SSBP2: variants seen among roughly 807,000 people sequenced by gnomAD.
The protein encoded by SSBP2 is single stranded DNA binding protein 2.
SSBP2 carries 17 observed loss-of-function variants against 61.8 expected under a neutral mutation model. That is an observed-to-expected ratio of 0.28 (90% CI 0.19 to 0.41). SSBP2 has a LOEUF of 0.41. SSBP2 is among the 10% of genes least tolerant of loss of function. SSBP2 has a pLI of 1.00. For synonymous variants in SSBP2, 139 were observed against 141.3 expected (o/e 0.98, Z 0.12); for missense variants, 310 against 458.7 (o/e 0.68, Z 2.96).
chr5:81,496,174 G>C (rs1325175213), intron 5 of SSBP2, among the ~76,000 whole-genome samples: 1 of 152,010 alleles, frequency 6.6e-6, no homozygotes, highest in Non-Finnish European at 1.5e-5. Context: ...TGAAAACCTA[G>C]AAGTTTTAAA....
At chr5:81,501,254 T>C (rs1767715047) in intron 5 of SSBP2, among the ~76,000 whole-genome samples, 1 of 55,526 alleles carries the variant, frequency 1.8e-5, no homozygotes, top group African/African-American at 1.4e-4. Context: ...TATATATATA[T>C]ATATATATAT....
intron 4 of SSBP2, among the ~76,000 whole-genome samples, chr5:81,558,802 A>C (rs1241101943): frequency 6.6e-6 from 1 of 152,248 alleles, no homozygotes; most frequent in African/African-American, 2.4e-5. Context: ...TAATTGTCAA[A>C]GCAAAAATAT....
intron 2 of SSBP2, among the ~76,000 whole-genome samples, chr5:81,636,933 T>C (rs1748294774): frequency 1.3e-5 from 2 of 152,202 alleles, no homozygotes; most frequent in South Asian, 2.1e-4. Context: ...TACACTACCT[T>C]TGTCCTTCAT....
chr5:81,556,123 G>T (rs1772576247), intron 4 of SSBP2, among the ~76,000 whole-genome samples: 2 of 152,042 alleles, frequency 1.3e-5, no homozygotes, highest in Non-Finnish European at 2.9e-5. Flanking sequence ...CTTATAAAGA[G>T]ATATTGCATA....
intron 1 of SSBP2, among the ~76,000 whole-genome samples, chr5:81,655,421 T>C (rs1750127651): frequency 6.6e-6 from 1 of 152,096 alleles, no homozygotes; most frequent in Admixed American, 6.5e-5. Flanking sequence ...CAGTCGTTTT[T>C]AAAAAACATT....
intron 4 of SSBP2, among the ~76,000 whole-genome samples, chr5:81,577,395 A>G (rs922509185): frequency 3.3e-5 from 5 of 152,004 alleles, no homozygotes; most frequent in Non-Finnish European, 7.4e-5. Flanking sequence ...GCTCTTGGTG[A>G]GGGAAATGGA....
intron 6 of SSBP2, among the ~76,000 whole-genome samples, chr5:81,486,802 T>C (rs1766419248): frequency 6.6e-6 from 1 of 152,314 alleles, no homozygotes; most frequent in South Asian, 2.1e-4. Flanking sequence ...AGATTTGGTC[T>C]ATAGGAGAAA....
rs1461165101 is a variant in SSBP2, at chr5:81,415,942, A to G, written c.*4562T>C. 1 of 142,854 alleles carries G rather than the reference A, an allele frequency of 7.0e-6. No individual in the cohort carries two copies. Among genetic ancestry groups the G allele is most frequent in the Non-Finnish European group, 1.5e-5 (1 of 66,034 alleles). 8.8% of individuals were successfully genotyped at this position (142,854 alleles called of 1,614,324 possible). Reference sequence around the variant, plus strand: ...AAAAAAAAAAAAAGAGGAAAACCTGATCAAGCATAGTGGCTCATGCCTGTA... The same window carrying G: ...AAAAAAAAAAAAAGAGGAAAACCTGGTCAAGCATAGTGGCTCATGCCTGTA... On this transcript the variant is annotated 3_prime_UTR_variant, in exon 17 of 17. Transcript: ENST00000320672.
At chr5:81,664,328 C>T (rs539338237) in intron 1 of SSBP2, among the ~76,000 whole-genome samples, 1 of 151,846 alleles carries the variant, frequency 6.6e-6, no homozygotes, top group South Asian at 2.1e-4. Flanking sequence ...TGGGGTTTCA[C>T]CATGTTGGCC....
At chr5:81,461,870 AG>A (rs1764568495) in intron 9 of SSBP2, among the ~76,000 whole-genome samples, 1 of 152,210 alleles carries the variant, frequency 6.6e-6, no homozygotes, top group African/African-American at 2.4e-5. Flanking sequence ...TAAATCAAAA[AG>A]GTCTCTTGTC....
Position 81,620,421 on chromosome 5 carries a change from A to G in SSBP2, c.198-4864T>C, listed in dbSNP as rs1746462148. ...AGGGATGTGAAGGACCTCTTCAAGG[A>G]GAACCACAAACCACTGGTCAAGGAA... On this transcript the variant is annotated intron_variant, in intron 3 of 16. Transcript: ENST00000320672. Among the ~76,000 whole-genome samples the G allele has an allele frequency of 2.0e-5, 3 of 151,868 alleles. No individual in the cohort carries two copies. The South Asian group carries it at 6.3e-4, about 32-fold the overall frequency.
intron 1 of SSBP2, among the ~76,000 whole-genome samples, chr5:81,741,907 G>A (rs1757050107): frequency 6.6e-6 from 1 of 152,102 alleles, no homozygotes; most frequent in Non-Finnish European, 1.5e-5. Context: ...ATGATTCTCT[G>A]TTGAATCAAA....
chr5:81,664,876 T>C (rs571859654), intron 1 of SSBP2, among the ~76,000 whole-genome samples: 3 of 152,306 alleles, frequency 2.0e-5, no homozygotes, highest in East Asian at 1.9e-4. Flanking sequence ...CAGATAGTTG[T>C]AGCAGTCTTA....
intron 16 of SSBP2, among the ~76,000 whole-genome samples, chr5:81,423,083 A>G (rs946850952): frequency 7.9e-5 from 12 of 152,246 alleles, no homozygotes; most frequent in Admixed American, 5.9e-4. Context: ...ACTAGAGTAG[A>G]AAAAATCAGA....
intron 4 of SSBP2, among the ~76,000 whole-genome samples, chr5:81,549,837 G>C (rs1436515222): frequency 6.6e-6 from 1 of 152,118 alleles, no homozygotes; most frequent in Non-Finnish European, 1.5e-5. Flanking sequence ...GATAATTACT[G>C]ATCATTTATC....
intron 3 of SSBP2, among the ~76,000 whole-genome samples, chr5:81,632,883 G>A (rs1420392651): frequency 6.6e-6 from 1 of 152,048 alleles, no homozygotes; most frequent in Non-Finnish European, 1.5e-5. Context: ...AGTCACTTCT[G>A]AATCTGAAAC....
intron 4 of SSBP2, among the ~76,000 whole-genome samples, chr5:81,572,157 A>G (rs982374163): frequency 2.0e-5 from 3 of 152,192 alleles, no homozygotes; most frequent in African/African-American, 7.2e-5. Context: ...TGTACTTTCT[A>G]AAGAATATAA....
intron 5 of SSBP2, among the ~76,000 whole-genome samples, chr5:81,493,558 A>T (rs867084879): frequency 4.6e-5 from 7 of 152,168 alleles, no homozygotes; most frequent in Middle Eastern, 6.4e-3. Context: ...GTTCAAGGCC[A>T]TCCTGGCCAA....
At chr5:81,687,984 CA>C (rs1752943977) in intron 1 of SSBP2, among the ~76,000 whole-genome samples, 1 of 152,116 alleles carries the variant, frequency 6.6e-6, no homozygotes, top group Non-Finnish European at 1.5e-5. Context: ...AGAAGGAAGA[CA>C]AAAGGGTACT....
Sources: allele counts gnomAD v4.1 joint callset (sites outside exome capture counted in the v4.1 genomes callset), GRCh38; gene constraint gnomAD v4.1.1; transcripts MANE v1.5; gene names NCBI Gene and HGNC (gene_info 2026-07-23, HGNC 2026-07-21).